Variants in STK39 observed in about 807,000 individuals in gnomAD.
STK39 encodes the protein STE20/SPS1-related proline-alanine-rich protein kinase.
STK39 carries 20 observed loss-of-function variants against 77.8 expected under a neutral mutation model. The observed-to-expected ratio is 0.26, with a 90% confidence interval of 0.18 to 0.37. The LOEUF is 0.37. Ranked by LOEUF, STK39 falls within the 10% of genes least tolerant of loss-of-function variation. The probability of loss-of-function intolerance (pLI) is 1.00; values close to 1 mark genes in which losing one functional copy is unlikely to be tolerated. For synonymous variants in STK39, 246 were observed against 234.1 expected, an observed-to-expected ratio of 1.05 and a Z score of -0.47; for missense variants, 479 against 656.5, an observed-to-expected ratio of 0.73 and a Z score of 2.95.
At chr2:168,028,960 T>A (rs1684769043) in intron 14 of STK39, among the ~76,000 whole-genome samples, 1 of 152,192 alleles carries the variant, frequency 6.6e-6, no homozygotes, top group Non-Finnish European at 1.5e-5. Flanking sequence ...GCTGCACACA[T>A]TGGTACATTC....
intron 14 of STK39, among the ~76,000 whole-genome samples, chr2:168,061,475 G>A (rs1222818155): frequency 6.6e-6 from 1 of 152,018 alleles, no homozygotes; most frequent in African/African-American, 2.4e-5. Context: ...AAAAAAAAGT[G>A]TATGTGCGTG....
chr2:168,192,538 T>G (rs1258456852), intron 1 of STK39, among the ~76,000 whole-genome samples: 3 of 152,158 alleles, frequency 2.0e-5, no homozygotes, highest in African/African-American at 7.2e-5. Flanking sequence ...CCCAATCTAC[T>G]TCCTCTGGAT....
chr2:168,171,489 C>A (rs1688823799), intron 2 of STK39, among the ~76,000 whole-genome samples: 2 of 124,950 alleles, frequency 1.6e-5, no homozygotes, highest in African/African-American at 3.7e-5. Flanking sequence ...GAAAAAAAAA[C>A]TTAATTTTTT....
chr2:168,012,745 A>G (rs757742624), intron 15 of STK39, 43 bp from the exon 16 acceptor site: 5 of 1,530,910 alleles, frequency 3.3e-6, no homozygotes, highest in Non-Finnish European at 4.5e-6. Context: ...ACCATAACAT[A>G]AAAATCAACA....
At chr2:168,037,933 C>T (rs1206204089) in intron 14 of STK39, among the ~76,000 whole-genome samples, 2 of 152,026 alleles carry the variant, frequency 1.3e-5, no homozygotes, top group Non-Finnish European at 2.9e-5. Flanking sequence ...AGAAGCTGTG[C>T]TGTAATGACT....
At chr2:168,088,432 T>C (rs771229376) in intron 10 of STK39, among the ~76,000 whole-genome samples, 56 of 152,188 alleles carry the variant, frequency 3.7e-4, no homozygotes, top group Non-Finnish European at 6.5e-4. Flanking sequence ...GAGAGAGATA[T>C]ATACATGATA....
intron 11 of STK39, 43 bp from the exon 12 acceptor site, chr2:168,075,054 C>A (rs1324046099): frequency 6.2e-7 from 1 of 1,614,004 alleles, no homozygotes; most frequent in Middle Eastern, 1.7e-4. Context: ...TACACACACA[C>A]AATCACAAAA....
At chr2:168,075,943 G>T (rs1686066826) in intron 10 of STK39, among the ~76,000 whole-genome samples, 1 of 152,180 alleles carries the variant, frequency 6.6e-6, no homozygotes, top group South Asian at 2.1e-4. Context: ...ATTGTTTTGA[G>T]CTAGGGTAGA....
intron 1 of STK39, among the ~76,000 whole-genome samples, chr2:168,187,947 A>ATTATATT (rs1233593678): frequency 6.6e-6 from 1 of 152,176 alleles, no homozygotes; most frequent in Non-Finnish European, 1.5e-5. Flanking sequence ...TAATCACCAT[A>ATTATATT]TTATATTTAA....
chr2:168,053,737 A>G (rs2105370256), intron 14 of STK39, among the ~76,000 whole-genome samples: 1 of 152,302 alleles, frequency 6.6e-6, no homozygotes, highest in African/African-American at 2.4e-5. Context: ...TAGCATGTTT[A>G]CCAGCAGAAG....
chr2:168,109,626 T>G (rs1427789567), intron 10 of STK39, among the ~76,000 whole-genome samples: 1 of 152,214 alleles, frequency 6.6e-6, no homozygotes, highest in Non-Finnish European at 1.5e-5. Flanking sequence ...TACAGGAAGG[T>G]GCCACATTCT....
intron 10 of STK39, 111 bp from the exon 11 acceptor site, chr2:168,075,342 G>T: frequency 7.0e-7 from 1 of 1,431,244 alleles, no homozygotes; most frequent in Non-Finnish European, 9.5e-7. Flanking sequence ...TAACCTGAGT[G>T]GCTGTGAATC....
chr2:168,037,657 A>T (rs1373501028), intron 14 of STK39, among the ~76,000 whole-genome samples: 1 of 152,228 alleles, frequency 6.6e-6, no homozygotes, highest in Non-Finnish European at 1.5e-5. Context: ...AAAAATAACC[A>T]TAAGATGCAA....
intron 3 of STK39, among the ~76,000 whole-genome samples, chr2:168,166,174 T>C (rs1688689997): frequency 6.6e-6 from 1 of 152,182 alleles, no homozygotes; most frequent in Admixed American, 6.5e-5. Flanking sequence ...CCCTTGAAAT[T>C]TGGTGTAATT....
chr2:168,042,475 C>T (rs970614127), intron 14 of STK39, among the ~76,000 whole-genome samples: 5 of 152,140 alleles, frequency 3.3e-5, no homozygotes, highest in African/African-American at 1.2e-4. Flanking sequence ...TATTTAAGTC[C>T]GGTTAGCCCA....
At chr2:168,179,461 T>C (rs1172479387) in intron 2 of STK39, among the ~76,000 whole-genome samples, 3 of 148,846 alleles carry the variant, frequency 2.0e-5, no homozygotes, top group Non-Finnish European at 4.4e-5. Flanking sequence ...ATTTCCCCCC[T>C]CTCTAAATAT....
At chr2:168,173,801 A>G (rs2203706) in intron 2 of STK39, among the ~76,000 whole-genome samples, 39,808 of 152,040 alleles carry the variant, frequency 0.26, 5,835 homozygotes, top group East Asian at 0.56. Context: ...CACCTGCCTC[A>G]GCCTCCCAAA....
intron 16 of STK39, among the ~76,000 whole-genome samples, chr2:168,007,231 A>G (rs914773065): frequency 9.9e-5 from 15 of 152,222 alleles, no homozygotes; most frequent in African/African-American, 3.1e-4. Flanking sequence ...CCTCAGGTGA[A>G]CTTATTTCAT....
chr2:167,979,816 G>A (rs1028791041), intron 16 of STK39, among the ~76,000 whole-genome samples: 1 of 152,172 alleles, frequency 6.6e-6, no homozygotes, highest in African/African-American at 2.4e-5. Flanking sequence ...ATAAAGCAGA[G>A]AAGGAACTGA....
Sources: gnomAD v4.1 joint callset for allele counts (sites outside exome capture counted in the v4.1 genomes callset) on GRCh38, gnomAD v4.1.1 for gene constraint, MANE v1.5 for transcripts, NCBI Gene and HGNC (gene_info 2026-07-23, HGNC 2026-07-21) for gene names.